The following VOPP1 variants were observed in gnomAD, a reference collection of about 807,000 sequenced individuals.
VOPP1 encodes WW domain binding protein VOPP1.
In VOPP1, 8 loss-of-function variants were observed where a neutral mutation model predicts 23.5. That is an observed-to-expected ratio of 0.34 (90% CI 0.20 to 0.61). The LOEUF (loss-of-function observed/expected upper bound fraction) is 0.61, where lower values mean the gene tolerates loss of function less well. Among genes scored for constraint, VOPP1 ranks in the 20% least tolerant of loss-of-function variants. The pLI is 0.78. For synonymous variants in VOPP1, 83 were observed against 97.3 expected (o/e 0.85, Z 0.86); for missense variants, 174 against 238.1 (o/e 0.73, Z 1.77).
At chr7:55,487,925 T>C (rs1366842787) in intron 4 of VOPP1, among the ~76,000 whole-genome samples, 1 of 152,162 alleles carries the variant, frequency 6.6e-6, no homozygotes, top group African/African-American at 2.4e-5. Context: ...GGCTTTTACA[T>C]TTTCTCCACC....
chr7:55,477,651 C>T (rs578127365), intron 4 of VOPP1, among the ~76,000 whole-genome samples: 2 of 152,324 alleles, frequency 1.3e-5, no homozygotes, highest in Non-Finnish European at 1.5e-5. Context: ...CCAGTCTAAT[C>T]GGTATCTTCG....
At chr7:55,493,752 A>C (rs958903769) in intron 3 of VOPP1, among the ~76,000 whole-genome samples, 1 of 152,224 alleles carries the variant, frequency 6.6e-6, no homozygotes, top group Non-Finnish European at 1.5e-5. Flanking sequence ...ACCAACTTTT[A>C]CAATTATTTA....
At position 55,552,884 on chromosome 7, in the gene VOPP1, A is replaced by C. The variant is rs188371234; in HGVS notation, c.54+19387T>G. Reference sequence around the variant, plus strand: ...ACAACAGGATTTCCTCCTAGACTAAACTCCTGAACCCGAAGAAAAAATTAT... The same window carrying C: ...ACAACAGGATTTCCTCCTAGACTAACCTCCTGAACCCGAAGAAAAAATTAT... On this transcript the variant is annotated intron_variant, in intron 1 of 4. Transcript: ENST00000285279. 6 of 1,305,066 alleles carry C rather than the reference A, an allele frequency of 4.6e-6. No individual in the cohort carries two copies. The East Asian group carries it at 1.5e-4, about 32-fold the overall frequency. The allele number at this position is 1,305,066 out of a possible 1,614,324, so 80.8% of individuals were successfully genotyped here. A position where few individuals can be genotyped will look rare whatever the true frequency, so the allele number is the denominator to read the frequency against.
chr7:55,568,790 C>CA (rs1554303028), intron 1 of VOPP1, among the ~76,000 whole-genome samples: 1 of 151,496 alleles, frequency 6.6e-6, no homozygotes, highest in Non-Finnish European at 1.5e-5. Flanking sequence ...GTTTTAAAAC[C>CA]TTTTTTTTTC....
chr7:55,562,108 T>C (rs151113425), intron 1 of VOPP1: 8,661 of 701,782 alleles, frequency 0.012, 82 homozygotes, highest in Middle Eastern at 0.028. Context: ...CGAAACTCCC[T>C]ACCTCATTCT....
chr7:55,463,454 T>C (rs148797359), intron 4 of VOPP1, among the ~76,000 whole-genome samples: 100 of 152,368 alleles, frequency 6.6e-4, no homozygotes, highest in African/African-American at 2.2e-3. Context: ...CTGATAGATG[T>C]ATCTATTGTA....
intron 1 of VOPP1, among the ~76,000 whole-genome samples, chr7:55,532,212 G>T (rs1422762606): frequency 6.6e-6 from 1 of 152,226 alleles, no homozygotes; most frequent in East Asian, 1.9e-4. Flanking sequence ...CACATTTAAA[G>T]ACAATGTGAC....
At chr7:55,452,036 A>G (rs943273296) in intron 4 of VOPP1, among the ~76,000 whole-genome samples, 1 of 152,218 alleles carries the variant, frequency 6.6e-6, no homozygotes, top group Non-Finnish European at 1.5e-5. Context: ...GCTGTTTGAC[A>G]GAATTTTACC....
chr7:55,454,813 G>A (rs996472334), intron 4 of VOPP1, among the ~76,000 whole-genome samples: 3 of 152,106 alleles, frequency 2.0e-5, no homozygotes, highest in Non-Finnish European at 2.9e-5. Context: ...AATAATAAGA[G>A]CTATTTATGA....
intron 4 of VOPP1, among the ~76,000 whole-genome samples, chr7:55,459,752 TC>T (rs1186542413): frequency 6.6e-6 from 1 of 152,170 alleles, no homozygotes; most frequent in Non-Finnish European, 1.5e-5. Context: ...TGACTCTTCT[TC>T]CTTTTTTCAT....
chr7:55,559,802 C>A (rs1462426408), intron 1 of VOPP1, among the ~76,000 whole-genome samples: 1 of 152,194 alleles, frequency 6.6e-6, no homozygotes, highest in Non-Finnish European at 1.5e-5. Context: ...AGTTCTCATT[C>A]ACTCCACTGC....
intron 4 of VOPP1, among the ~76,000 whole-genome samples, chr7:55,482,282 C>T (rs1792775568): frequency 6.6e-6 from 1 of 151,786 alleles, no homozygotes; most frequent in Middle Eastern, 3.4e-3. Flanking sequence ...GAGGTACATA[C>T]ATTATCCATT....
At chr7:55,498,990 C>A (rs149475411) in intron 2 of VOPP1, among the ~76,000 whole-genome samples, 1 of 152,226 alleles carries the variant, frequency 6.6e-6, no homozygotes, top group African/African-American at 2.4e-5. Flanking sequence ...GAGACACTCC[C>A]TCCCCACTCC....
intron 4 of VOPP1, among the ~76,000 whole-genome samples, chr7:55,462,788 T>C (rs1791536227): frequency 6.7e-6 from 1 of 150,198 alleles, no homozygotes; most frequent in Non-Finnish European, 1.5e-5. Context: ...CCCAAGTAGC[T>C]GGGACTACAG....
chr7:55,569,756 G>A (rs1355159530), intron 1 of VOPP1, among the ~76,000 whole-genome samples: 1 of 152,142 alleles, frequency 6.6e-6, no homozygotes, highest in Non-Finnish European at 1.5e-5. Context: ...CAAAGGGATG[G>A]TGAGGCAGGG....
intron 2 of VOPP1, among the ~76,000 whole-genome samples, chr7:55,498,298 G>A (rs746466190): frequency 1.3e-5 from 2 of 152,174 alleles, no homozygotes; most frequent in Non-Finnish European, 2.9e-5. Context: ...ACCATATAAA[G>A]TGCTGATGGC....
At chr7:55,510,650 G>C (rs1795015236) in intron 2 of VOPP1, among the ~76,000 whole-genome samples, 2 of 147,334 alleles carry the variant, frequency 1.4e-5, no homozygotes, top group Non-Finnish European at 3.0e-5. Flanking sequence ...ATGGAGGCCT[G>C]TGTTGGTGAG....
In VOPP1 at chr7:55,552,784, C is replaced by A. The variant is rs141963426; in HGVS notation, c.54+19487G>T. 2,196 of 1,517,204 alleles carry A rather than the reference C, an allele frequency of 1.4e-3. 27 individuals are homozygous for A. In the South Asian group the frequency reaches 0.017, roughly 12 times the overall value. The allele number at this position is 1,517,204 out of a possible 1,614,324, so 94.0% of individuals were successfully genotyped here. A position where few individuals can be genotyped will look rare whatever the true frequency, so the allele number is the denominator to read the frequency against. On this transcript the variant is annotated intron_variant, in intron 1 of 4. Transcript: ENST00000285279. ...AGAGAGGCAGCAAGTGGAGCCTGTT[C>A]TCCTAGGAAACCTCCCATGGGCTGA...
intron 4 of VOPP1, among the ~76,000 whole-genome samples, chr7:55,446,203 C>G (rs1174311061): frequency 1.3e-5 from 2 of 152,084 alleles, no homozygotes; most frequent in African/African-American, 2.4e-5. Context: ...CCATGTTAGC[C>G]AGGATGGTCT....
Sources: allele counts gnomAD v4.1 joint callset (sites outside exome capture counted in the v4.1 genomes callset), GRCh38; gene constraint gnomAD v4.1.1; transcripts MANE v1.5; gene names NCBI Gene and HGNC (gene_info 2026-07-23, HGNC 2026-07-21).